ATG5: variants seen among roughly 807,000 people sequenced by gnomAD.
The protein encoded by ATG5 is autophagy protein 5.
A neutral mutation model predicts 36.5 loss-of-function variants in ATG5; 14 were observed. The observed-to-expected ratio is 0.38, with a 90% CI of 0.25 to 0.60. The LOEUF (loss-of-function observed/expected upper bound fraction) is 0.60. Among genes scored for constraint, ATG5 ranks in the 20% least tolerant of loss-of-function variants. ATG5 has a pLI of 0.60. For missense variants in ATG5, 195 were observed against 326.7 expected (o/e 0.60, Z 3.11); for synonymous variants, 95 against 101.5 (o/e 0.94, Z 0.38).
rs567228123 is a variant in ATG5, at chr6:106,231,123, C to T, written c.573+17027G>A. On this transcript the variant is annotated intron_variant, in intron 6 of 7. Coordinates refer to ENST00000369076, the MANE Select transcript of ATG5 (RefSeq NM_004849.4). ...ATTCCCCGATTATGCCCCCTCCAAG[C>T]GGTGGGAGGAGAATTCGGCCCAGCC... Among the ~76,000 whole-genome samples, 31 of 152,196 alleles carry T rather than the reference C, an allele frequency of 2.0e-4. 1 individual carries two copies. In the South Asian group the frequency reaches 6.2e-3, roughly 31 times the overall value.
At chr6:106,225,059 A>G (rs959861927) in intron 6 of ATG5, among the ~76,000 whole-genome samples, 1 of 152,268 alleles carries the variant, frequency 6.6e-6, no homozygotes, top group Non-Finnish European at 1.5e-5. Flanking sequence ...AGTCAATAAC[A>G]TCTAATAATT....
chr6:106,303,472 T>C (rs977167805), intron 3 of ATG5, among the ~76,000 whole-genome samples: 16 of 152,180 alleles, frequency 1.1e-4, no homozygotes, highest in Admixed American at 5.2e-4. Flanking sequence ...TCACTAAAGA[T>C]ATCTATCAAA....
chr6:106,324,943 G>A (rs1771233017), intron 1 of ATG5, among the ~76,000 whole-genome samples: 1 of 152,172 alleles, frequency 6.6e-6, no homozygotes, highest in African/African-American at 2.4e-5. Flanking sequence ...GGTTCTGATT[G>A]CTCAAGACAG....
intron 2 of ATG5, among the ~76,000 whole-genome samples, chr6:106,312,698 G>C (rs546310693): frequency 5.7e-4 from 86 of 151,468 alleles, no homozygotes; most frequent in African/African-American, 2.1e-3. Context: ...CAAGGATACT[G>C]AGCACTGCAG....
chr6:106,212,659 C>G (rs960599372), intron 6 of ATG5, among the ~76,000 whole-genome samples: 9 of 152,112 alleles, frequency 5.9e-5, no homozygotes, highest in African/African-American at 2.2e-4. Flanking sequence ...CAAAACAAAA[C>G]AAAACTCAAA....
chr6:106,200,521 C>T (rs1226222723), intron 7 of ATG5, among the ~76,000 whole-genome samples: 1 of 151,014 alleles, frequency 6.6e-6, no homozygotes, highest in Non-Finnish European at 1.5e-5. Context: ...GTCACCAAGG[C>T]TGGAGTGCAG....
At chr6:106,290,294 CAG>C (rs913269680) in intron 4 of ATG5, among the ~76,000 whole-genome samples, 3 of 144,288 alleles carry the variant, frequency 2.1e-5, no homozygotes, top group African/African-American at 7.7e-5. Context: ...TTTTTAGATA[CAG>C]AGTCTGCCCT....
At chr6:106,208,387 G>A (rs964168083) in intron 6 of ATG5, among the ~76,000 whole-genome samples, 3 of 152,102 alleles carry the variant, frequency 2.0e-5, no homozygotes, top group African/African-American at 7.2e-5. Context: ...AGGGCCACTA[G>A]TTTTAGAACA....
chr6:106,219,178 T>G (rs1777150442), intron 6 of ATG5, among the ~76,000 whole-genome samples: 1 of 152,192 alleles, frequency 6.6e-6, no homozygotes, highest in Admixed American at 6.5e-5. Flanking sequence ...TTAGACAAAA[T>G]GTTAAGAGTA....
intron 5 of ATG5, among the ~76,000 whole-genome samples, chr6:106,273,534 C>T (rs771645590): frequency 5.3e-5 from 8 of 151,996 alleles, no homozygotes; most frequent in African/African-American, 1.7e-4. Context: ...TTACCACCTT[C>T]GTATTTGTAA....
At chr6:106,266,023 T>G (rs574315338) in intron 5 of ATG5, among the ~76,000 whole-genome samples, 2 of 147,504 alleles carry the variant, frequency 1.4e-5, no homozygotes, top group Non-Finnish European at 3.0e-5. Flanking sequence ...GATGGAGACA[T>G]GAAAAACCCT....
At chr6:106,196,073 T>G (rs1562204242) in intron 7 of ATG5, among the ~76,000 whole-genome samples, 1 of 152,154 alleles carries the variant, frequency 6.6e-6, no homozygotes, top group Non-Finnish European at 1.5e-5. Flanking sequence ...CTGATGTTCA[T>G]AATCACCATT....
intron 6 of ATG5, among the ~76,000 whole-genome samples, chr6:106,234,745 G>C (rs772176188): frequency 1.3e-5 from 2 of 148,386 alleles, no homozygotes; most frequent in Non-Finnish European, 3.0e-5. Flanking sequence ...TGTTATCGGA[G>C]CAGGAGTGCT....
chr6:106,194,045 G>T (rs1442007713), intron 7 of ATG5, among the ~76,000 whole-genome samples: 1 of 152,170 alleles, frequency 6.6e-6, no homozygotes, highest in African/African-American at 2.4e-5. Flanking sequence ...TCTTCTGTCA[G>T]TCCAGTAATG....
At chr6:106,193,041 C>T (rs953956829) in intron 7 of ATG5, among the ~76,000 whole-genome samples, 3 of 152,148 alleles carry the variant, frequency 2.0e-5, no homozygotes, top group Non-Finnish European at 4.4e-5. Context: ...ATACATCAAA[C>T]GCTGATTTTA....
intron 5 of ATG5, among the ~76,000 whole-genome samples, chr6:106,262,712 C>G (rs1295587522): frequency 6.6e-6 from 1 of 152,080 alleles, no homozygotes; most frequent in Non-Finnish European, 1.5e-5. Context: ...GGAGGGTGAC[C>G]AGAAGCAGGG....
chr6:106,251,764 AAAG>A lies in ATG5; in HGVS notation c.479-3523_479-3521del, dbSNP rs533155345. Reference sequence around the variant, plus strand: ...GAAAGAAAAGAAAGAAAGAAAAAGAAAAGAAGAAAAGAAAAGGAGGAGAGAAAA... The same window carrying A: ...GAAAGAAAAGAAAGAAAGAAAAAGAAAAGAAAAGAAAAGGAGGAGAGAAAA... On this transcript the variant is annotated intron_variant, in intron 5 of 7. Transcript: ENST00000369076. 6.5e-3 allele frequency among the ~76,000 whole-genome samples: 983 copies of A among 151,356 alleles called. 10 individuals carry two copies. The highest frequency in any genetic ancestry group is 0.023 in the African/African-American group (928 of 41,142).
intron 6 of ATG5, among the ~76,000 whole-genome samples, chr6:106,213,920 G>A (rs1201704019): frequency 1.3e-5 from 2 of 152,038 alleles, no homozygotes; most frequent in African/African-American, 2.4e-5. Flanking sequence ...AACCAAGAAA[G>A]GTAACAGTAT....
chr6:106,321,446 T>C (rs1458942129), intron 1 of ATG5, among the ~76,000 whole-genome samples: 2 of 151,760 alleles, frequency 1.3e-5, no homozygotes, highest in South Asian at 4.2e-4. Flanking sequence ...GCAAGCTCCG[T>C]CTCCCGGGTT....
Sources: gnomAD v4.1 joint callset for allele counts (sites outside exome capture counted in the v4.1 genomes callset) on GRCh38, gnomAD v4.1.1 for gene constraint, MANE v1.5 for transcripts, NCBI Gene and HGNC (gene_info 2026-07-23, HGNC 2026-07-21) for gene names.